Variants in GNG4 observed in about 807,000 individuals in gnomAD.
The protein encoded by GNG4 is G protein subunit gamma 4.
A neutral mutation model predicts 5.8 loss-of-function variants in GNG4; 4 were observed. That is an observed-to-expected ratio of 0.69 (90% CI 0.34 to 1.57). The LOEUF (loss-of-function observed/expected upper bound fraction) is 1.57, where lower values mean the gene tolerates loss of function less well. Ranked by LOEUF, GNG4 falls within the 40% of genes most tolerant of loss-of-function variation. The pLI is 0.06. For missense variants in GNG4, 96 were observed against 95.1 expected, an observed-to-expected ratio of 1.01 and a Z score of -0.04; for synonymous variants, 29 against 32.9, an observed-to-expected ratio of 0.88 and a Z score of 0.41.
In GNG4 at chr1:235,648,442, T is replaced by C. The variant is rs1230924046; in HGVS notation, c.-123+1220A>G. ...TGGAAAAGGCTTTCCATTTATCAAC[T>C]TAGTTGTCCCCCCAGTCGCCTCTTG... On this transcript the variant is annotated intron_variant, in intron 1 of 3. Transcript: ENST00000391854. This position sits in a 1 kb window ranked among gnomAD's most constrained non-coding sequence, Gnocchi z 5.0. Among the ~76,000 whole-genome samples, 1 of 152,212 alleles carries C rather than the reference T, an allele frequency of 6.6e-6. No homozygotes were observed. Among genetic ancestry groups the C allele is most frequent in the Non-Finnish European group, 1.5e-5 (1 of 68,036 alleles).
At position 235,561,388 on chromosome 1, in the gene GNG4, C is replaced by T. The variant is rs369321005; in HGVS notation, c.100-9151G>A. Among the ~76,000 whole-genome samples, 132 of 151,748 alleles carry T rather than the reference C, an allele frequency of 8.7e-4. 1 individual carries two copies. The highest frequency in any genetic ancestry group is 7.7e-3 in the South Asian group (37 of 4,812). On this transcript the variant is annotated intron_variant, in intron 3 of 3. Transcript: ENST00000391854. ...GTTCTCTCTCTCTTGCTCTCTTGCA[C>T]GCGCTCGCGCTCTCTCTCTCTATAT... is the stretch of plus-strand genomic sequence containing the variant.
intron 3 of GNG4, among the ~76,000 whole-genome samples, chr1:235,558,634 C>T (rs1008082114): frequency 2.0e-5 from 3 of 152,164 alleles, no homozygotes; most frequent in South Asian, 2.1e-4. Context: ...TTGCAGACAA[C>T]GCCAGATCCC....
chr1:235,558,108 A>G (rs1304903595), intron 3 of GNG4, among the ~76,000 whole-genome samples: 1 of 152,168 alleles, frequency 6.6e-6, no homozygotes, highest in Non-Finnish European at 1.5e-5. Flanking sequence ...GTGCACCCAT[A>G]CAACAGGAAT....
chr1:235,624,960 C>CAA (rs1688779479), intron 1 of GNG4, among the ~76,000 whole-genome samples: 1 of 152,162 alleles, frequency 6.6e-6, no homozygotes, highest in South Asian at 2.1e-4. Context: ...CCGCTGACCT[C>CAA]AAACGTAGGT....
intron 1 of GNG4, among the ~76,000 whole-genome samples, chr1:235,609,970 C>G (rs1688445580): frequency 6.6e-6 from 1 of 152,176 alleles, no homozygotes; most frequent in Non-Finnish European, 1.5e-5. Flanking sequence ...ATTTCCTACA[C>G]AGAAAGACAT....
chr1:235,570,925 C>CATACATAT (rs1687323794), intron 3 of GNG4, among the ~76,000 whole-genome samples: 1 of 124,350 alleles, frequency 8.0e-6, no homozygotes, highest in Non-Finnish European at 1.7e-5. Context: ...TATATATATA[C>CATACATAT]ACACACACAC....
chr1:235,593,296 TA>T (rs1688025698), intron 2 of GNG4, among the ~76,000 whole-genome samples: 2 of 152,318 alleles, frequency 1.3e-5, no homozygotes, highest in South Asian at 4.1e-4. Context: ...CACAACTCAG[TA>T]AATACAAAGT....
intron 2 of GNG4, among the ~76,000 whole-genome samples, chr1:235,592,680 A>C (rs1340066781): frequency 6.6e-6 from 1 of 152,190 alleles, no homozygotes; most frequent in Non-Finnish European, 1.5e-5. Flanking sequence ...CCCTGGCTTG[A>C]AGATAGCCGC....
intron 1 of GNG4, among the ~76,000 whole-genome samples, chr1:235,613,923 C>T (rs1391947553): frequency 6.6e-6 from 1 of 152,182 alleles, no homozygotes; most frequent in Non-Finnish European, 1.5e-5. Context: ...AAGTGATCCT[C>T]CCACCTCAGC....
intron 3 of GNG4, among the ~76,000 whole-genome samples, chr1:235,559,901 T>C (rs1687014643): frequency 6.6e-6 from 1 of 152,068 alleles, no homozygotes; most frequent in South Asian, 2.1e-4. Flanking sequence ...TAAGTAAGAG[T>C]TGTTCTGACA....
intron 1 of GNG4, among the ~76,000 whole-genome samples, chr1:235,641,509 G>A (rs2102988914): frequency 6.6e-6 from 1 of 152,288 alleles, no homozygotes; most frequent in East Asian, 1.9e-4. Flanking sequence ...TGGCCAACAT[G>A]GTGAAACCCT....
chr1:235,566,164 GGT>G (rs961368440), intron 3 of GNG4: 23 of 152,254 alleles, frequency 1.5e-4, no homozygotes, highest in African/African-American at 5.5e-4. Context: ...ATGTCTCCAT[GGT>G]GAGTGAAATC....
At chr1:235,558,343 C>T (rs532069463) in intron 3 of GNG4, among the ~76,000 whole-genome samples, 6 of 152,284 alleles carry the variant, frequency 3.9e-5, no homozygotes, top group Middle Eastern at 3.4e-3. Context: ...TTCATCACCC[C>T]GTCTTTTCAC....
Position 235,649,722 on chromosome 1 carries a change from C to T in GNG4, c.-183G>A. On this transcript the variant is annotated 5_prime_UTR_variant, in exon 1 of 4. Coordinates refer to ENST00000391854, the MANE Select transcript of GNG4 (RefSeq NM_001098722.2). The surrounding 1 kb of genome is among the most constrained non-coding windows in gnomAD (Gnocchi z 5.7). ...GCGGTGCTCGCGGGGGGCGGCCAGG[C>T]CGAGCGGCATCGCTCCGCATCGGGG... 1 of 151,798 alleles carries T rather than the reference C, an allele frequency of 6.6e-6. No individual in the cohort carries two copies. The highest frequency in any genetic ancestry group is 1.5e-5 in the Non-Finnish European group (1 of 67,846). 9.4% of individuals were successfully genotyped at this position (151,798 alleles called of 1,614,324 possible).
At chr1:235,626,033 A>C (rs951832534) in intron 1 of GNG4, among the ~76,000 whole-genome samples, 1 of 152,178 alleles carries the variant, frequency 6.6e-6, no homozygotes, top group Admixed American at 6.5e-5. Context: ...TGGCTGTTGC[A>C]TTTTGCATTC....
intron 3 of GNG4, among the ~76,000 whole-genome samples, chr1:235,558,309 A>T (rs1686970775): frequency 6.6e-6 from 1 of 152,226 alleles, no homozygotes; most frequent in African/African-American, 2.4e-5. Flanking sequence ...TCTTACAGCA[A>T]AATAGTCAAG....
At chr1:235,590,047 G>A (rs547400743) in intron 2 of GNG4, among the ~76,000 whole-genome samples, 1 of 152,248 alleles carries the variant, frequency 6.6e-6, no homozygotes, top group East Asian at 1.9e-4. Flanking sequence ...CGTCTCTGGC[G>A]CTTTTCCTCC....
intron 1 of GNG4, among the ~76,000 whole-genome samples, chr1:235,629,481 C>A (rs530057247): frequency 3.9e-5 from 6 of 152,138 alleles, no homozygotes; most frequent in Non-Finnish European, 5.9e-5. Flanking sequence ...ATTTTATCTA[C>A]TTTACCCCTC....
intron 1 of GNG4, among the ~76,000 whole-genome samples, chr1:235,596,926 G>A (rs1688137498): frequency 1.3e-5 from 2 of 151,732 alleles, no homozygotes; most frequent in African/African-American, 4.8e-5. Flanking sequence ...TAGAGACGGA[G>A]TTTCACTATG....
Sources: allele counts gnomAD v4.1 joint callset (sites outside exome capture counted in the v4.1 genomes callset), GRCh38; gene constraint gnomAD v4.1.1; non-coding constraint Gnocchi (gnomAD v3.1); transcripts MANE v1.5; gene names NCBI Gene and HGNC (gene_info 2026-07-23, HGNC 2026-07-21).